The following TMEM108 variants were observed in gnomAD, a reference collection of about 807,000 sequenced individuals.
The protein encoded by TMEM108 is transmembrane protein 108.
TMEM108 carries 12 observed loss-of-function variants against 35.1 expected under a neutral mutation model. The ratio of observed to expected loss-of-function variants is 0.34; its 90% confidence interval spans 0.22 to 0.55. The LOEUF (loss-of-function observed/expected upper bound fraction) is 0.55. Among genes scored for constraint, TMEM108 ranks in the 20% least tolerant of loss-of-function variants. TMEM108 has a pLI of 0.89. For synonymous variants in TMEM108, 287 were observed against 308.6 expected (o/e 0.93, Z 0.73); for missense variants, 680 against 753.3 (o/e 0.90, Z 1.14).
In TMEM108 at chr3:133,157,145, C is replaced by T. The variant is rs1576350348; in HGVS notation, c.-46-72121C>T. On this transcript the variant is annotated intron_variant, in intron 2 of 5. Coordinates refer to ENST00000321871, the MANE Select transcript of TMEM108 (RefSeq NM_023943.4). ...GATATGTTATACATGTATGTGTCTGCTGCATGTTAGATTTGTTAATATCTT... is the reference window on the plus strand; with the variant it reads ...GATATGTTATACATGTATGTGTCTGTTGCATGTTAGATTTGTTAATATCTT... 6.6e-5 allele frequency among the ~76,000 whole-genome samples: 10 copies of T among 152,206 alleles called. No homozygotes were observed. In the South Asian group the frequency reaches 2.1e-3, roughly 32 times the overall value.
chr3:133,256,541 A>G (rs975483922), intron 3 of TMEM108, among the ~76,000 whole-genome samples: 3 of 152,234 alleles, frequency 2.0e-5, no homozygotes, highest in Non-Finnish European at 4.4e-5. Flanking sequence ...GGAGGGGATG[A>G]AGAGAATCAA....
rs371013106 is a variant in TMEM108, at chr3:133,229,357, T to C, written c.40+6T>C. ...CCTCTATTGCCAACTGTTAAGTAAG[T>C]TGACACTGTATTTCTTCTTTCCTAA... On this transcript the variant is annotated splice_donor_region_variant and intron_variant, in intron 3 of 5. Transcript: ENST00000321871. The C allele has an allele frequency of 2.0e-5, 32 of 1,612,794 alleles. No homozygotes were observed. Among genetic ancestry groups the C allele is most frequent in the Non-Finnish European group, 2.5e-5 (30 of 1,179,336 alleles).
chr3:133,191,868 G>A (rs73215594), intron 2 of TMEM108, among the ~76,000 whole-genome samples: 8,194 of 152,006 alleles, frequency 0.054, 263 homozygotes, highest in Non-Finnish European at 0.08. Flanking sequence ...GAATCGATGG[G>A]GTAAAATCAT....
intron 2 of TMEM108, among the ~76,000 whole-genome samples, chr3:133,226,508 A>G (rs532172306): frequency 6.0e-4 from 91 of 152,278 alleles, no homozygotes; most frequent in African/African-American, 2.0e-3. Flanking sequence ...ACTACAAACA[A>G]TCTGTTCTGT....
In TMEM108 at chr3:133,380,787, C is replaced by T; in HGVS notation, c.1076C>T (p.Pro359Leu). Residue 359 changes from proline (P) to leucine (L), a missense_variant, in exon 4 of 6, where the codon CCC becomes CTC. Physicochemically the swap from Pro to Leu is moderately conservative, Grantham distance 98. Around this residue, in one of 3 missense-constraint regions of TMEM108, gnomAD observed 526 missense variants for 532.1 expected, o/e 0.99. Transcript: ENST00000321871. This position sits in a 1 kb window ranked among gnomAD's most constrained non-coding sequence, Gnocchi z 5.3. ...SSGVFTAATG[P>L]TPAAFDTSVS... ...GGGGTCTTCACGGCTGCCACGGGGC[C>T]CACCCCAGCTGCCTTCGATACCAGT... 1 of 1,614,148 alleles carries T rather than the reference C, an allele frequency of 6.2e-7. No individual in the cohort carries two copies. The highest frequency in any genetic ancestry group is 8.5e-7 in the Non-Finnish European group (1 of 1,180,018).
intron 4 of TMEM108, 32 bp from the exon 5 acceptor site, chr3:133,390,148 C>T (rs1478213891): frequency 1.2e-6 from 2 of 1,613,168 alleles, no homozygotes; most frequent in Non-Finnish European, 1.7e-6. Context: ...TTGCTGCCTC[C>T]CTCTCCTCTC....
At chr3:133,248,680 A>G (rs1223987658) in intron 3 of TMEM108, 1 of 152,216 alleles carries the variant, frequency 6.6e-6, no homozygotes, top group Non-Finnish European at 1.5e-5. Flanking sequence ...TATTTAGGAA[A>G]GGAAATGTTG....
At chr3:133,383,196 G>T (rs111603804) in intron 4 of TMEM108, among the ~76,000 whole-genome samples, 1 of 152,104 alleles carries the variant, frequency 6.6e-6, no homozygotes, top group Non-Finnish European at 1.5e-5. Flanking sequence ...GGATGCTCTC[G>T]TTTACAAAGT....
At chr3:133,255,609 C>T (rs1409375343) in intron 3 of TMEM108, among the ~76,000 whole-genome samples, 2 of 152,024 alleles carry the variant, frequency 1.3e-5, no homozygotes, top group Admixed American at 6.6e-5. Flanking sequence ...ATGGGGGAGA[C>T]GTATTTGAAA....
At chr3:133,041,752 C>G (rs1943279103) in intron 1 of TMEM108, 1 of 152,188 alleles carries the variant, frequency 6.6e-6, no homozygotes, top group Non-Finnish European at 1.5e-5. Flanking sequence ...ATCCAACTTT[C>G]CAACAACTTA....
At chr3:133,256,741 GA>G (rs1393259760) in intron 3 of TMEM108, among the ~76,000 whole-genome samples, 1 of 152,180 alleles carries the variant, frequency 6.6e-6, no homozygotes, top group Non-Finnish European at 1.5e-5. Context: ...AGGCAATCAA[GA>G]AGGGGAAAAT....
intron 2 of TMEM108, among the ~76,000 whole-genome samples, chr3:133,217,464 C>T (rs911108136): frequency 2.6e-5 from 4 of 151,808 alleles, no homozygotes; most frequent in Non-Finnish European, 5.9e-5. Context: ...GCTTTTGTTG[C>T]TTGTGCTTTG....
intron 2 of TMEM108, among the ~76,000 whole-genome samples, chr3:133,183,748 C>G (rs1187937696): frequency 6.6e-6 from 1 of 152,090 alleles, no homozygotes; most frequent in African/African-American, 2.4e-5. Flanking sequence ...GCCCTTCAAG[C>G]CCAGGTGAAG....
At chr3:133,109,344 A>G (rs1444062533) in intron 2 of TMEM108, among the ~76,000 whole-genome samples, 3 of 152,100 alleles carry the variant, frequency 2.0e-5, no homozygotes. Context: ...AATTTGAGGT[A>G]CTGCCAGGCA....
intron 2 of TMEM108, among the ~76,000 whole-genome samples, chr3:133,170,929 A>G (rs567718162): frequency 5.3e-5 from 8 of 152,218 alleles, no homozygotes; most frequent in Non-Finnish European, 1.2e-4. Flanking sequence ...CACCCAGTCC[A>G]TGTTCCTAAC....
intron 2 of TMEM108, among the ~76,000 whole-genome samples, chr3:133,188,806 A>G (rs1336970848): frequency 6.6e-6 from 1 of 152,190 alleles, no homozygotes. Context: ...GGCCCAATGC[A>G]GGTTGACAGG....
intron 2 of TMEM108, among the ~76,000 whole-genome samples, chr3:133,186,900 G>T (rs960837289): frequency 2.0e-5 from 3 of 152,124 alleles, no homozygotes; most frequent in Admixed American, 2.0e-4. Flanking sequence ...GTATGTGTGT[G>T]TGTGTTTTCT....
At chr3:133,234,408 A>C (rs1946201801) in intron 3 of TMEM108, among the ~76,000 whole-genome samples, 1 of 152,212 alleles carries the variant, frequency 6.6e-6, no homozygotes. Context: ...CACCATGATC[A>C]AGTGGGCTTC....
At chr3:133,196,120 C>A (rs1360082987) in intron 2 of TMEM108, among the ~76,000 whole-genome samples, 1 of 152,194 alleles carries the variant, frequency 6.6e-6, no homozygotes, top group Non-Finnish European at 1.5e-5. Flanking sequence ...GTCATCTTCT[C>A]ATTGTTTTTA....
Sources: allele counts gnomAD v4.1 joint callset (sites outside exome capture counted in the v4.1 genomes callset), GRCh38; gene constraint gnomAD v4.1.1; regional missense constraint gnomAD v4.1.1; non-coding constraint Gnocchi (gnomAD v3.1); transcripts MANE v1.5; gene names NCBI Gene and HGNC (gene_info 2026-07-23, HGNC 2026-07-21).